Variants in ADORA2B observed in about 807,000 individuals in gnomAD.
ADORA2B encodes the protein adenosine receptor A2b.
Under a neutral mutation model 20.8 loss-of-function variants are expected in ADORA2B, and 18 were observed. That is an observed-to-expected ratio of 0.87 (90% CI 0.60 to 1.29). ADORA2B has a LOEUF of 1.29. ADORA2B is among the 50% of genes most tolerant of loss of function. The pLI, the probability that ADORA2B is intolerant of heterozygous loss-of-function variation, is 0.00. For synonymous variants in ADORA2B, 179 were observed against 178.3 expected (o/e 1.00, Z -0.03); for missense variants, 441 against 422.7 (o/e 1.04, Z -0.38).
the ADORA2B span, among the ~76,000 whole-genome samples, chr17:15,855,869 T>C: frequency 1.3e-5 from 2 of 152,026 alleles, no homozygotes; most frequent in Non-Finnish European, 2.9e-5. Context: ...CTCTCCAATG[T>C]CTATTGTTGC....
chr17:15,910,336 C>T, the ADORA2B span, among the ~76,000 whole-genome samples: 1 of 151,568 alleles, frequency 6.6e-6, no homozygotes, highest in African/African-American at 2.4e-5. Flanking sequence ...TTTGCTGTTT[C>T]ACCCAGGCTG....
chr17:15,916,429 C>T, the ADORA2B span, among the ~76,000 whole-genome samples: 1 of 152,030 alleles, frequency 6.6e-6, no homozygotes, highest in South Asian at 2.1e-4. Context: ...ACATCTCCAA[C>T]AACTGAGCTC....
chr17:15,970,636 AAAGAT>A (rs1970179885), intron 1 of ADORA2B, among the ~76,000 whole-genome samples: 1 of 152,162 alleles, frequency 6.6e-6, no homozygotes, highest in African/African-American at 2.4e-5. Context: ...ATTGGACTAG[AAAGAT>A]AAAAGTCCTC....
At chr17:15,890,505 A>AT in the ADORA2B span, among the ~76,000 whole-genome samples, 5 of 146,026 alleles carry the variant, frequency 3.4e-5, no homozygotes, top group African/African-American at 5.1e-5. Flanking sequence ...TATTTTTTGT[A>AT]TTTTGTGCCT....
the ADORA2B span, among the ~76,000 whole-genome samples, chr17:15,852,863 A>G: frequency 6.6e-6 from 1 of 152,238 alleles, no homozygotes; most frequent in African/African-American, 2.4e-5. Flanking sequence ...CATAAGAGCT[A>G]CATGGGATGG....
In ADORA2B at chr17:15,959,576, C is replaced by T. The variant is rs868369062; in HGVS notation, c.335+13993C>T. 4.7e-5 allele frequency among the ~76,000 whole-genome samples: 7 copies of T among 149,570 alleles called. No individual in the cohort carries two copies. In the South Asian group the frequency reaches 6.3e-4, roughly 14 times the overall value. On this transcript the variant is annotated intron_variant, in intron 1 of 1. Transcript: ENST00000304222. Reference sequence around the variant, plus strand: ...GGTGCAATGGCGCGATCTGAGCTCACGGCAACCTCCGCCTCCTGGGTCCAA... The same window carrying T: ...GGTGCAATGGCGCGATCTGAGCTCATGGCAACCTCCGCCTCCTGGGTCCAA...
chr17:15,854,794 G>A, the ADORA2B span, among the ~76,000 whole-genome samples: 1 of 152,120 alleles, frequency 6.6e-6, no homozygotes, highest in African/African-American at 2.4e-5. Flanking sequence ...GTTTCCTAAT[G>A]CTTATATCAA....
upstream of ADORA2B, chr17:15,944,909 G>T (rs1412871696): frequency 5.6e-6 from 1 of 180,164 alleles, no homozygotes; most frequent in East Asian, 1.5e-4. This position sits in a 1 kb window ranked among gnomAD's most constrained non-coding sequence, Gnocchi z 4.8. Context: ...GAGCGTGACG[G>T]GAAGTTGGGG....
the ADORA2B span, among the ~76,000 whole-genome samples, chr17:15,912,727 G>A: frequency 6.6e-6 from 1 of 152,180 alleles, no homozygotes. Context: ...ACACAAACAC[G>A]CACGCACACA....
At chr17:15,969,874 G>C (rs1970168314) in intron 1 of ADORA2B, among the ~76,000 whole-genome samples, 1 of 152,172 alleles carries the variant, frequency 6.6e-6, no homozygotes. Flanking sequence ...CTGCTTAAAA[G>C]TCTTCCATGG....
chr17:15,899,839 T>C, the ADORA2B span, among the ~76,000 whole-genome samples: 2 of 144,932 alleles, frequency 1.4e-5, no homozygotes, highest in Admixed American at 6.9e-5. Flanking sequence ...TCTTTTTTTC[T>C]TTTTTTTTTT....
chr17:15,964,857 C>T lies in ADORA2B; in HGVS notation c.336-9822C>T, dbSNP rs183713151. 2.1e-3 allele frequency among the ~76,000 whole-genome samples: 321 copies of T among 151,984 alleles called. 1 individual carries two copies. The highest frequency in any genetic ancestry group is 4.9e-3 in the East Asian group (25 of 5,148). ...TGGGCGAATCACGAGGTCAGGAGAT[C>T]GAGACCATCCTGGCTAACACGGTGA... On this transcript the variant is annotated intron_variant, in intron 1 of 1. Transcript: ENST00000304222.
the ADORA2B span, among the ~76,000 whole-genome samples, chr17:15,881,118 T>C: frequency 6.6e-6 from 1 of 152,198 alleles, no homozygotes; most frequent in Non-Finnish European, 1.5e-5. Flanking sequence ...TTTATTTATT[T>C]TGAGACGGAG....
chr17:15,920,060 C>T, the ADORA2B span, among the ~76,000 whole-genome samples: 1 of 152,122 alleles, frequency 6.6e-6, no homozygotes, highest in African/African-American at 2.4e-5. Context: ...CTGTGTACTA[C>T]AGTAATTTTT....
the ADORA2B span, among the ~76,000 whole-genome samples, chr17:15,902,475 G>A: frequency 6.6e-6 from 1 of 152,242 alleles, no homozygotes; most frequent in Non-Finnish European, 1.5e-5. Flanking sequence ...TGGGATTACA[G>A]GCATGAGCCA....
At chr17:15,944,564 G>T (rs1969772995), upstream of ADORA2B, among the ~76,000 whole-genome samples, 1 of 152,098 alleles carries the variant, frequency 6.6e-6, no homozygotes, top group Admixed American at 6.5e-5. This position sits in a 1 kb window ranked among gnomAD's most constrained non-coding sequence, Gnocchi z 4.8. Context: ...CTGGGAGGCG[G>T]CCGGAGGGGG....
the ADORA2B span, among the ~76,000 whole-genome samples, chr17:15,891,063 T>C: frequency 1.3e-5 from 2 of 152,146 alleles, no homozygotes; most frequent in Non-Finnish European, 1.5e-5. Flanking sequence ...GGTCAGGAGT[T>C]CAAGACCAGC....
chr17:15,897,509 A>G, the ADORA2B span, among the ~76,000 whole-genome samples: 2 of 152,174 alleles, frequency 1.3e-5, no homozygotes, highest in African/African-American at 4.8e-5. Context: ...TTGAGGCTGC[A>G]GTGAGCCAAG....
At chr17:15,934,540 C>G in the ADORA2B span, among the ~76,000 whole-genome samples, 1 of 151,988 alleles carries the variant, frequency 6.6e-6, no homozygotes, top group East Asian at 1.9e-4. Flanking sequence ...TATCTTATAT[C>G]CTTTTTGTTC....
Sources: gnomAD v4.1 joint callset for allele counts (sites outside exome capture counted in the v4.1 genomes callset) on GRCh38, gnomAD v4.1.1 for gene constraint, Gnocchi (gnomAD v3.1) non-coding constraint, MANE v1.5 for transcripts, NCBI Gene and HGNC (gene_info 2026-07-23, HGNC 2026-07-21) for gene names.